The following PDCD1LG2 variants were observed in gnomAD, a reference collection of about 807,000 sequenced individuals.
PDCD1LG2 encodes the protein programmed cell death 1 ligand 2.
Under a neutral mutation model 28.2 loss-of-function variants are expected in PDCD1LG2, and 32 were observed. That is an observed-to-expected ratio of 1.13 (90% confidence interval 0.86 to 1.52). The LOEUF (loss-of-function observed/expected upper bound fraction) is 1.52. Ranked by LOEUF, PDCD1LG2 falls within the 40% of genes most tolerant of loss-of-function variation. The pLI, the probability that PDCD1LG2 is intolerant of heterozygous loss-of-function variation, is 0.00. For missense variants in PDCD1LG2, 385 were observed against 323.8 expected, an observed-to-expected ratio of 1.19 and a Z score of -1.45; for synonymous variants, 116 against 120.2, an observed-to-expected ratio of 0.97 and a Z score of 0.23.
At chr9:5,525,783 T>A (rs1369059260) in intron 2 of PDCD1LG2, among the ~76,000 whole-genome samples, 1 of 151,990 alleles carries the variant, frequency 6.6e-6, no homozygotes. Context: ...GCATGGTGGC[T>A]CACGCCTGTA....
intron 3 of PDCD1LG2, among the ~76,000 whole-genome samples, chr9:5,544,943 C>T (rs894814044): frequency 5.9e-5 from 9 of 152,234 alleles, no homozygotes; most frequent in East Asian, 1.9e-4. Flanking sequence ...TTTTAAAGAA[C>T]GTGGCAAAAC....
chr9:5,527,273 G>A (rs1010328234), intron 2 of PDCD1LG2, among the ~76,000 whole-genome samples: 49 of 152,136 alleles, frequency 3.2e-4, no homozygotes, highest in Admixed American at 1.4e-3. Context: ...GAACATCCAG[G>A]ACAGTTCCAT....
chr9:5,551,157 G>T (rs966001011), intron 4 of PDCD1LG2, among the ~76,000 whole-genome samples: 1 of 152,152 alleles, frequency 6.6e-6, no homozygotes, highest in Non-Finnish European at 1.5e-5. Context: ...ACATGTTCCA[G>T]GGATTAGAAT....
intron 3 of PDCD1LG2, among the ~76,000 whole-genome samples, chr9:5,544,213 A>T (rs1260788591): frequency 1.3e-5 from 2 of 152,232 alleles, no homozygotes; most frequent in East Asian, 3.8e-4. Flanking sequence ...TCTTTTAATG[A>T]GGGAGACTGA....
At chr9:5,559,091 T>C (rs1268333064) in intron 5 of PDCD1LG2, among the ~76,000 whole-genome samples, 4 of 152,200 alleles carry the variant, frequency 2.6e-5, no homozygotes, top group African/African-American at 4.8e-5. Flanking sequence ...CAGCTGAGTG[T>C]TCCGTTCCAG....
rs1029959301 is a variant in PDCD1LG2, at chr9:5,541,946, T to C, written c.361+6896T>C. ...AACTTCAAACCATACTATAACACCA[T>C]AGTCACCAAAACAGCATAATACTAG... is the stretch of plus-strand genomic sequence containing the variant. On this transcript the variant is annotated intron_variant, in intron 3 of 6. Transcript: ENST00000397747. 2.6e-5 allele frequency among the ~76,000 whole-genome samples: 4 copies of C among 152,006 alleles called. No homozygotes were observed. In the South Asian group the frequency reaches 6.2e-4, roughly 24 times the overall value.
intron 4 of PDCD1LG2, among the ~76,000 whole-genome samples, chr9:5,556,472 T>C (rs1292916159): frequency 6.6e-6 from 1 of 152,260 alleles, no homozygotes; most frequent in African/African-American, 2.4e-5. Context: ...TTTGCAATCC[T>C]GGCATTGACT....
intron 3 of PDCD1LG2, among the ~76,000 whole-genome samples, chr9:5,548,781 A>AT (rs1309947433): frequency 6.6e-6 from 1 of 152,012 alleles, no homozygotes; most frequent in African/African-American, 2.4e-5. Context: ...CTAGGTCTTT[A>AT]TTTTTTTTCT....
At position 5,532,961 on chromosome 9, in the gene PDCD1LG2, G is replaced by T. The variant is rs1820510563; in HGVS notation, c.56-1784G>T. Among the ~76,000 whole-genome samples the T allele has an allele frequency of 1.3e-5, 2 of 152,154 alleles. 1 individual carries two copies. Among genetic ancestry groups the T allele is most frequent in the South Asian group, 4.1e-4 (2 of 4,834 alleles). On this transcript the variant is annotated intron_variant, in intron 2 of 6. Transcript: ENST00000397747. Reference sequence around the variant, plus strand: ...GAGGCTGAAGCTCATAAAGATTAAAGGACGGACTCACAGTCAAAGGACTCC... The same window carrying T: ...GAGGCTGAAGCTCATAAAGATTAAATGACGGACTCACAGTCAAAGGACTCC...
chr9:5,515,945 A>G (rs1291643346), intron 1 of PDCD1LG2, among the ~76,000 whole-genome samples: 138 of 149,974 alleles, frequency 9.2e-4, no homozygotes, highest in African/African-American at 3.0e-3. Context: ...AAAAAAAAAA[A>G]AAAAGAAAAG....
intron 2 of PDCD1LG2, 82 bp downstream of exon 2, chr9:5,522,683 C>G: frequency 7.6e-7 from 1 of 1,308,428 alleles, no homozygotes; most frequent in Non-Finnish European, 1.1e-6. Flanking sequence ...GAATGTGGCC[C>G]TCAGGCTGAG....
At chr9:5,539,175 T>C (rs1586806283) in intron 3 of PDCD1LG2, among the ~76,000 whole-genome samples, 1 of 152,194 alleles carries the variant, frequency 6.6e-6, no homozygotes, top group South Asian at 2.1e-4. Context: ...TTTTCCAGTA[T>C]AGAAACTTAT....
In PDCD1LG2 at chr9:5,518,047, G is replaced by A. The variant is rs549299355; in HGVS notation, c.-14-4486G>A. ...GGAGAATTAACAGGACTAGGGGATG[G>A]GCCATATTTGCAAGATGAGAAATGC... On this transcript the variant is annotated intron_variant, in intron 1 of 6. Transcript: ENST00000397747. Among the ~76,000 whole-genome samples, 8 of 152,304 alleles carry A rather than the reference G, an allele frequency of 5.3e-5. No homozygotes were observed. In the South Asian group the frequency reaches 1.5e-3, roughly 28 times the overall value.
intron 5 of PDCD1LG2, among the ~76,000 whole-genome samples, chr9:5,562,008 A>G (rs1816572720): frequency 6.6e-6 from 1 of 152,208 alleles, no homozygotes; most frequent in Non-Finnish European, 1.5e-5. Context: ...TGCTGAATAG[A>G]GACCTCCAAA....
chr9:5,537,352 A>G (rs1055134502), intron 3 of PDCD1LG2, among the ~76,000 whole-genome samples: 1 of 152,202 alleles, frequency 6.6e-6, no homozygotes, highest in Non-Finnish European at 1.5e-5. Flanking sequence ...AATAATTTGG[A>G]AAAGAGAGCC....
intron 3 of PDCD1LG2, among the ~76,000 whole-genome samples, chr9:5,538,871 T>C (rs898552197): frequency 1.3e-5 from 2 of 152,128 alleles, no homozygotes; most frequent in African/African-American, 4.8e-5. Context: ...ATTGTACTTA[T>C]TTATGGGATA....
chr9:5,533,981 T>C (rs1563825289), intron 2 of PDCD1LG2, among the ~76,000 whole-genome samples: 3 of 150,828 alleles, frequency 2.0e-5, no homozygotes, highest in East Asian at 3.9e-4. Flanking sequence ...TGTCAGAAAA[T>C]AGAAAGCATC....
intron 2 of PDCD1LG2, among the ~76,000 whole-genome samples, chr9:5,528,876 T>G (rs1261634611): frequency 6.6e-6 from 1 of 152,182 alleles, no homozygotes; most frequent in Non-Finnish European, 1.5e-5. Flanking sequence ...ATTACAGGCA[T>G]GTACCACCAT....
chr9:5,511,628 T>G (rs1176228314), intron 1 of PDCD1LG2, among the ~76,000 whole-genome samples: 2 of 152,206 alleles, frequency 1.3e-5, no homozygotes, highest in Admixed American at 1.3e-4. Context: ...ATGAGACAGT[T>G]GTATCAGGGT....
Sources: gnomAD v4.1 joint callset for allele counts (sites outside exome capture counted in the v4.1 genomes callset) on GRCh38, gnomAD v4.1.1 for gene constraint, MANE v1.5 for transcripts, NCBI Gene and HGNC (gene_info 2026-07-23, HGNC 2026-07-21) for gene names.